LINGO2: variants seen among roughly 807,000 people sequenced by gnomAD.
LINGO2 encodes leucine-rich repeat and immunoglobulin-like domain-containing nogo receptor-interacting protein 2.
In LINGO2, 14 loss-of-function variants were observed where a neutral mutation model predicts 30.6. The ratio of observed to expected loss-of-function variants is 0.46; its 90% confidence interval spans 0.30 to 0.72. The LOEUF (loss-of-function observed/expected upper bound fraction) is 0.72. LINGO2 is among the 30% of genes least tolerant of loss of function. The probability of loss-of-function intolerance (pLI) is 0.07; values close to 1 mark genes in which losing one functional copy is unlikely to be tolerated. For missense variants in LINGO2, 729 were observed against 751.7 expected, an observed-to-expected ratio of 0.97 and a Z score of 0.35; for synonymous variants, 317 against 288.5, an observed-to-expected ratio of 1.10 and a Z score of -1.00.
the LINGO2 span, among the ~76,000 whole-genome samples, chr9:28,712,470 T>C: frequency 2.6e-5 from 4 of 151,302 alleles, no homozygotes; most frequent in South Asian, 2.1e-4. Flanking sequence ...ACTGATTAAG[T>C]AGCTCAAGCT....
At chr9:29,068,995 T>C in the LINGO2 span, among the ~76,000 whole-genome samples, 1 of 151,912 alleles carries the variant, frequency 6.6e-6, no homozygotes, top group East Asian at 1.9e-4. Flanking sequence ...TGTTCCTGGT[T>C]ACTCCCAGGC....
chr9:29,167,906 T>C, the LINGO2 span, among the ~76,000 whole-genome samples: 1 of 152,150 alleles, frequency 6.6e-6, no homozygotes, highest in South Asian at 2.1e-4. Flanking sequence ...CATTTCTTTC[T>C]ACCAAGAGGC....
At chr9:28,595,998 C>T (rs182670666) in intron 1 of LINGO2, among the ~76,000 whole-genome samples, 9 of 152,202 alleles carry the variant, frequency 5.9e-5, no homozygotes, top group Admixed American at 5.9e-4. Flanking sequence ...TGCACAAATG[C>T]ACACTGTGAA....
the LINGO2 span, among the ~76,000 whole-genome samples, chr9:28,718,879 T>C: frequency 1.3e-5 from 2 of 152,054 alleles, no homozygotes; most frequent in South Asian, 2.1e-4. Flanking sequence ...TAATTTGTAT[T>C]ATAAATCTAT....
the LINGO2 span, among the ~76,000 whole-genome samples, chr9:29,042,189 A>C: frequency 2.0e-5 from 3 of 152,106 alleles, no homozygotes; most frequent in Admixed American, 6.6e-5. Flanking sequence ...TCACTCATGC[A>C]CTGCTGATGT....
the LINGO2 span, among the ~76,000 whole-genome samples, chr9:28,749,902 G>A: frequency 4.6e-5 from 7 of 152,038 alleles, no homozygotes; most frequent in Admixed American, 1.3e-4. Context: ...AGTCATAATT[G>A]CTAAAAGGGC....
At chr9:28,193,925 C>T (rs1461668607) in intron 4 of LINGO2, among the ~76,000 whole-genome samples, 1 of 152,178 alleles carries the variant, frequency 6.6e-6, no homozygotes, top group Non-Finnish European at 1.5e-5. Context: ...GGCAGTCATA[C>T]TGCTCATACG....
chr9:28,491,948 T>C (rs895587485), intron 1 of LINGO2, among the ~76,000 whole-genome samples: 22 of 152,224 alleles, frequency 1.4e-4, no homozygotes, highest in African/African-American at 5.1e-4. Flanking sequence ...AAAAAGGGTG[T>C]ATTATTTGTA....
chr9:28,703,327 A>C, the LINGO2 span, among the ~76,000 whole-genome samples: 3 of 151,736 alleles, frequency 2.0e-5, no homozygotes, highest in African/African-American at 7.2e-5. Context: ...TTTCATTGCC[A>C]TTTATTTCAA....
chr9:28,672,890 T>G (rs1829076244), upstream of LINGO2, among the ~76,000 whole-genome samples: 1 of 152,078 alleles, frequency 6.6e-6, no homozygotes, highest in South Asian at 2.1e-4. Flanking sequence ...AGAAAACAAT[T>G]TTAACTAAGA....
At chr9:28,010,834 C>T (rs1009377831) in intron 5 of LINGO2, among the ~76,000 whole-genome samples, 13 of 152,148 alleles carry the variant, frequency 8.5e-5, no homozygotes, top group Non-Finnish European at 1.5e-4. Flanking sequence ...ATGTGCCTGT[C>T]GTCCCAGCTA....
chr9:28,078,877 CTGAAATCT>C (rs1825698871), intron 4 of LINGO2, among the ~76,000 whole-genome samples: 1 of 148,070 alleles, frequency 6.8e-6, no homozygotes. Flanking sequence ...GACTCTTCTA[CTGAAATCT>C]TATAGGCCAA....
chr9:28,470,622 A>G (rs934607566), intron 2 of LINGO2, among the ~76,000 whole-genome samples: 25 of 152,144 alleles, frequency 1.6e-4, no homozygotes, highest in African/African-American at 5.1e-4. Flanking sequence ...TTTTCCCAAC[A>G]CACGAATGGG....
At chr9:28,698,709 C>T in the LINGO2 span, among the ~76,000 whole-genome samples, 3 of 151,814 alleles carry the variant, frequency 2.0e-5, no homozygotes, top group Non-Finnish European at 2.9e-5. Context: ...CTCACATACC[C>T]CTTGTCCCCC....
chr9:28,184,629 G>A (rs12686570), intron 4 of LINGO2, among the ~76,000 whole-genome samples: 12,542 of 151,972 alleles, frequency 0.083, 719 homozygotes, highest in Admixed American at 0.15. Context: ...GAAAGAATGA[G>A]TAAGAGAGAC....
chr9:28,758,862 G>A, the LINGO2 span, among the ~76,000 whole-genome samples: 2 of 152,046 alleles, frequency 1.3e-5, no homozygotes, highest in Non-Finnish European at 2.9e-5. Flanking sequence ...TTTACTAACA[G>A]CAAGATTCCA....
chr9:28,574,578 C>A (rs1283811462), intron 1 of LINGO2, among the ~76,000 whole-genome samples: 1 of 152,148 alleles, frequency 6.6e-6, no homozygotes, highest in Non-Finnish European at 1.5e-5. Context: ...GATGAAAGAG[C>A]ACATTTCCGG....
chr9:28,121,734 GA>G (rs1392067605), intron 4 of LINGO2, among the ~76,000 whole-genome samples: 1 of 152,010 alleles, frequency 6.6e-6, no homozygotes, highest in Non-Finnish European at 1.5e-5. Flanking sequence ...TTTACTTAAG[GA>G]AAAAAGCTCT....
intron 2 of LINGO2, among the ~76,000 whole-genome samples, chr9:28,394,596 T>C (rs77119650): frequency 0.011 from 1,740 of 152,336 alleles, 35 homozygotes; most frequent in African/African-American, 0.04. Flanking sequence ...AGATACAAGA[T>C]AGGTGATTAA....
Sources: gnomAD v4.1 joint callset for allele counts (sites outside exome capture counted in the v4.1 genomes callset) on GRCh38, gnomAD v4.1.1 for gene constraint, MANE v1.5 for transcripts, NCBI Gene and HGNC (gene_info 2026-07-23, HGNC 2026-07-21) for gene names.